BCAT1: variants seen among roughly 807,000 people sequenced by gnomAD.
BCAT1 encodes the protein branched-chain-amino-acid aminotransferase, cytosolic.
Under a neutral mutation model 52.4 loss-of-function variants are expected in BCAT1, and 48 were observed. The ratio of observed to expected loss-of-function variants is 0.92; its 90% CI spans 0.73 to 1.16. The LOEUF (loss-of-function observed/expected upper bound fraction) is 1.16. Ranked by LOEUF, BCAT1 falls within the 50% of genes most tolerant of loss-of-function variation. The pLI is 0.00. For synonymous variants in BCAT1, 167 were observed against 161.3 expected, an observed-to-expected ratio of 1.04 and a Z score of -0.27; for missense variants, 451 against 457.1, an observed-to-expected ratio of 0.99 and a Z score of 0.12.
chr12:24,857,593 T>C (rs1941727105), intron 5 of BCAT1, among the ~76,000 whole-genome samples: 1 of 152,240 alleles, frequency 6.6e-6, no homozygotes, highest in Admixed American at 6.5e-5. Context: ...CCACTCTTGA[T>C]GCCCACATTG....
intron 1 of BCAT1, among the ~76,000 whole-genome samples, chr12:24,942,966 A>C (rs1943870666): frequency 6.6e-6 from 1 of 152,246 alleles, no homozygotes; most frequent in Non-Finnish European, 1.5e-5. Context: ...TTCAATATTC[A>C]AATGGCAGCG....
intron 5 of BCAT1, among the ~76,000 whole-genome samples, chr12:24,871,873 A>G (rs989265947): frequency 5.9e-5 from 9 of 152,216 alleles, no homozygotes; most frequent in African/African-American, 2.2e-4. Flanking sequence ...TCGATGTCTT[A>G]AGACACTAAA....
At chr12:24,907,999 G>T (rs535586227) in intron 1 of BCAT1, among the ~76,000 whole-genome samples, 1 of 152,284 alleles carries the variant, frequency 6.6e-6, no homozygotes, top group African/African-American at 2.4e-5. Context: ...ACATGCTGTG[G>T]AGAGTTAAAA....
intron 3 of BCAT1, among the ~76,000 whole-genome samples, chr12:24,893,240 A>G (rs1405736916): frequency 1.3e-5 from 2 of 152,216 alleles, no homozygotes; most frequent in African/African-American, 4.8e-5. Context: ...TTCAAGAGTT[A>G]ATTATTATTG....
intron 6 of BCAT1, among the ~76,000 whole-genome samples, chr12:24,846,274 G>A (rs575201273): frequency 1.3e-5 from 2 of 152,262 alleles, no homozygotes; most frequent in East Asian, 3.9e-4. Flanking sequence ...TCTGTAGATG[G>A]TCTTTATTCC....
In BCAT1 at chr12:24,892,916, G is replaced by A. The variant is rs1942881685; in HGVS notation, c.279+1359C>T. Among the ~76,000 whole-genome samples, 4 of 152,278 alleles carry A rather than the reference G, an allele frequency of 2.6e-5. No individual in the cohort carries two copies. In the Middle Eastern group the frequency reaches 0.01, roughly 388 times the overall value. On this transcript the variant is annotated intron_variant, in intron 3 of 10. Transcript: ENST00000261192. Reference sequence around the variant, plus strand: ...TTTATTATACCTTATGACATGGTGAGGGCTTGTGGCAAATAATGAAAGAAC... The same window carrying A: ...TTTATTATACCTTATGACATGGTGAAGGCTTGTGGCAAATAATGAAAGAAC...
At chr12:24,928,533 G>A (rs958473885) in intron 1 of BCAT1, among the ~76,000 whole-genome samples, 20 of 151,632 alleles carry the variant, frequency 1.3e-4, no homozygotes, top group Non-Finnish European at 2.8e-4. Context: ...CCAGCTAGTC[G>A]GGAGACTGAG....
chr12:24,915,654 G>A (rs1943395097), intron 1 of BCAT1, among the ~76,000 whole-genome samples: 1 of 152,190 alleles, frequency 6.6e-6, no homozygotes, highest in South Asian at 2.1e-4. Flanking sequence ...ATCCAGCACA[G>A]ACACAGGTGG....
chr12:24,848,395 T>C (rs1404146582), intron 6 of BCAT1, among the ~76,000 whole-genome samples: 2 of 152,210 alleles, frequency 1.3e-5, no homozygotes, highest in Non-Finnish European at 2.9e-5. Flanking sequence ...AAAACATTAA[T>C]TTTTAACTGG....
intron 1 of BCAT1, among the ~76,000 whole-genome samples, chr12:24,924,412 A>G (rs1943549826): frequency 6.6e-6 from 1 of 152,244 alleles, no homozygotes; most frequent in African/African-American, 2.4e-5. Context: ...AAAGGAGAAA[A>G]TGTCCCTTTA....
At chr12:24,829,756 C>T (rs1940569058) in intron 10 of BCAT1, 67 bp downstream of exon 10, 12 of 1,278,550 alleles carry the variant, frequency 9.4e-6, no homozygotes, top group African/African-American at 1.5e-5. Context: ...TAAGCTCTGA[C>T]AGAAATAAGG....
intron 1 of BCAT1, among the ~76,000 whole-genome samples, chr12:24,913,499 C>T (rs1591870635): frequency 1.3e-5 from 2 of 152,128 alleles, no homozygotes; most frequent in Non-Finnish European, 2.9e-5. Context: ...ACTGGAACCC[C>T]CCTTCCACGA....
intron 5 of BCAT1, among the ~76,000 whole-genome samples, chr12:24,854,481 T>C (rs1189695849): frequency 6.6e-6 from 1 of 152,080 alleles, no homozygotes; most frequent in Non-Finnish European, 1.5e-5. Context: ...AAGGGGAAAA[T>C]AGTAAAGAAT....
chr12:24,896,363 G>A (rs1253757907), intron 2 of BCAT1, among the ~76,000 whole-genome samples: 3 of 152,176 alleles, frequency 2.0e-5, no homozygotes, highest in South Asian at 2.1e-4. Context: ...AAATTAAAAT[G>A]TTATTGGAAC....
chr12:24,855,440 G>T (rs541920686), intron 5 of BCAT1, among the ~76,000 whole-genome samples: 19 of 152,136 alleles, frequency 1.2e-4, no homozygotes, highest in Non-Finnish European at 2.4e-4. Flanking sequence ...GAGTGCAGTG[G>T]CGCAATCTTG....
intron 1 of BCAT1, among the ~76,000 whole-genome samples, chr12:24,934,536 A>G (rs993119307): frequency 3.9e-5 from 6 of 152,154 alleles, no homozygotes; most frequent in Non-Finnish European, 7.4e-5. Context: ...GGCAAGAGAA[A>G]AGAAGAGGGT....
At chr12:24,922,405 G>A (rs561152149) in intron 1 of BCAT1, among the ~76,000 whole-genome samples, 15 of 152,018 alleles carry the variant, frequency 9.9e-5, no homozygotes, top group Non-Finnish European at 1.9e-4. Flanking sequence ...TCCTACATCC[G>A]GCCCCTAGTT....
chr12:24,832,887 A>C (rs745338975), intron 8 of BCAT1, 24 bp from the exon 9 acceptor site: 1 of 1,586,678 alleles, frequency 6.3e-7, no homozygotes, highest in Admixed American at 1.8e-5. Flanking sequence ...AAAAAATAAC[A>C]AGTATATTTT....
intron 7 of BCAT1, among the ~76,000 whole-genome samples, chr12:24,837,552 G>A (rs2139417058): frequency 6.6e-6 from 1 of 150,922 alleles, no homozygotes; most frequent in East Asian, 2.0e-4. Flanking sequence ...TCAGCCTCCT[G>A]AGTAGCTGGG....
Sources: allele counts gnomAD v4.1 joint callset (sites outside exome capture counted in the v4.1 genomes callset), GRCh38; gene constraint gnomAD v4.1.1; transcripts MANE v1.5; gene names NCBI Gene and HGNC (gene_info 2026-07-23, HGNC 2026-07-21).